The following LIN54 variants were observed in gnomAD, a reference collection of about 807,000 sequenced individuals.
LIN54 encodes the protein lin-54 DREAM MuvB core complex component.
LIN54 carries 9 observed loss-of-function variants against 78.7 expected under a neutral mutation model. The observed-to-expected ratio is 0.11, with a 90% CI of 0.07 to 0.20. LIN54 has a LOEUF of 0.20. Ranked by LOEUF, LIN54 falls within the 10% of genes least tolerant of loss-of-function variation. LIN54 has a pLI of 1.00. For missense variants in LIN54, 573 were observed against 889.9 expected, an observed-to-expected ratio of 0.64 and a Z score of 4.53; for synonymous variants, 269 against 318.4, an observed-to-expected ratio of 0.84 and a Z score of 1.65.
intron 4 of LIN54, among the ~76,000 whole-genome samples, chr4:82,957,592 T>TA (rs1417433920): frequency 2.6e-5 from 4 of 152,200 alleles, no homozygotes; most frequent in Non-Finnish European, 4.4e-5. Context: ...CATGTGTACT[T>TA]ACCTGTTTCA....
chr4:82,928,199 G>C lies in LIN54; in HGVS notation c.2153C>G (p.Ala718Gly). ...GAATTCCTCAAGTATCATCCGTTCC[G>C]CTGCTGCCTTTGATTTTCCCTTCTT... is the stretch of plus-strand genomic sequence containing the variant. ...ADKKGKSKAAAERMILEEFGR... is the reference protein window; with the variant it reads ...ADKKGKSKAAGERMILEEFGR... Residue 718 changes from alanine to glycine, a missense_variant, in exon 13 of 13, where the codon GCG becomes GGG. By Grantham distance (60) the Ala-to-Gly change is moderately conservative. This residue lies in a region of LIN54 where 82 missense variants were observed against 140.8 expected (regional missense o/e 0.58). Coordinates refer to ENST00000340417, the MANE Select transcript of LIN54 (RefSeq NM_194282.4). 7 of 1,614,202 alleles carry C rather than the reference G, an allele frequency of 4.3e-6. No homozygotes were observed. Among genetic ancestry groups the C allele is most frequent in the Non-Finnish European group, 5.9e-6 (7 of 1,180,012 alleles).
chr4:82,947,231 A>ATTTTTTTTTTTTTT (rs1390095473), intron 4 of LIN54, among the ~76,000 whole-genome samples: 2 of 13,950 alleles, frequency 1.4e-4, no homozygotes, highest in African/African-American at 4.0e-4. Context: ...ATATATATAT[A>ATTTTTTTTTTTTTT]TATATTTTTT....
intron 1 of LIN54, among the ~76,000 whole-genome samples, chr4:82,988,362 C>T (rs567292509): frequency 1.3e-5 from 2 of 151,940 alleles, no homozygotes; most frequent in Admixed American, 6.6e-5. Context: ...AGTTCTATTC[C>T]TTTTTACTGC....
At chr4:82,934,541 A>C (rs150514215) in intron 11 of LIN54, among the ~76,000 whole-genome samples, 1 of 152,180 alleles carries the variant, frequency 6.6e-6, no homozygotes, top group Non-Finnish European at 1.5e-5. Context: ...GGAGTATTTG[A>C]CTTTGTAAAT....
chr4:83,012,870 C>G (rs186598130), upstream of LIN54: 4 of 152,144 alleles, frequency 2.6e-5, no homozygotes, highest in African/African-American at 9.7e-5. Flanking sequence ...GCGGCGCCTC[C>G]GAGACACAGA....
chr4:82,929,290 T>C (rs1017679874), intron 12 of LIN54, among the ~76,000 whole-genome samples: 3 of 152,180 alleles, frequency 2.0e-5, no homozygotes, highest in African/African-American at 7.2e-5. Flanking sequence ...TATAATTTTA[T>C]AATTTTGTTT....
intron 1 of LIN54, among the ~76,000 whole-genome samples, chr4:83,006,937 T>G (rs1729445368): frequency 6.6e-6 from 1 of 152,086 alleles, no homozygotes. Context: ...GTCAGGAGTT[T>G]GAGACCAGCC....
intron 1 of LIN54, among the ~76,000 whole-genome samples, chr4:83,010,080 T>A (rs1390022838): frequency 1.3e-5 from 2 of 152,122 alleles, no homozygotes; most frequent in African/African-American, 4.8e-5. Context: ...AATGTGAACA[T>A]CCACAACCCA....
chr4:82,972,759 G>A (rs1400750806), intron 3 of LIN54, among the ~76,000 whole-genome samples: 1 of 152,094 alleles, frequency 6.6e-6, no homozygotes, highest in Non-Finnish European at 1.5e-5. Flanking sequence ...GAGGCAGGTG[G>A]ATCACGAGGT....
intron 11 of LIN54, among the ~76,000 whole-genome samples, chr4:82,933,587 A>G (rs896548632): frequency 6.6e-6 from 1 of 152,268 alleles, no homozygotes; most frequent in African/African-American, 2.4e-5. Context: ...ACAAAATGTC[A>G]GATAAGCCCA....
At position 82,948,857 on chromosome 4, in the gene LIN54, T is replaced by C. The variant is rs1417992378; in HGVS notation, c.952-2383A>G. Among the ~76,000 whole-genome samples, 4 of 152,244 alleles carry C rather than the reference T, an allele frequency of 2.6e-5. No individual in the cohort carries two copies. In the East Asian group the frequency reaches 7.7e-4, roughly 29 times the overall value. ...CATGTTGTGGCAAATGGCAGGATCT[T>C]ATTTTTCAAGGTTGAATAATATTTT... is the stretch of plus-strand genomic sequence containing the variant. On this transcript the variant is annotated intron_variant, in intron 4 of 12. Coordinates refer to ENST00000340417, the MANE Select transcript of LIN54 (RefSeq NM_194282.4).
intron 5 of LIN54, among the ~76,000 whole-genome samples, chr4:82,940,547 C>T (rs896766363): frequency 4.6e-5 from 7 of 152,156 alleles, no homozygotes; most frequent in Non-Finnish European, 8.8e-5. Context: ...TGTGTGCCAC[C>T]ATGCCCAGCT....
At chr4:82,986,902 T>C (rs1009385808) in intron 1 of LIN54, among the ~76,000 whole-genome samples, 3 of 152,156 alleles carry the variant, frequency 2.0e-5, no homozygotes, top group East Asian at 1.9e-4. Context: ...CCCTGTTTTA[T>C]AGATGAGGCC....
At chr4:83,011,789 A>G (rs1729868661), upstream of LIN54, among the ~76,000 whole-genome samples, 1 of 149,964 alleles carries the variant, frequency 6.7e-6, no homozygotes, top group African/African-American at 2.5e-5. Context: ...ATAAGCTGCA[A>G]GGCTTCTGAA....
In LIN54 at chr4:82,925,793, ATTC is replaced by A. The variant is rs998171327; in HGVS notation, c.*2306_*2308del. 6.6e-6 allele frequency: 1 copy of A among 152,640 alleles called. No homozygotes were observed. Among genetic ancestry groups the A allele is most frequent in the African/African-American group, 2.4e-5 (1 of 41,470 alleles). The allele number at this position is 152,640 out of a possible 1,614,324, so 9.5% of individuals were successfully genotyped here. A position where few individuals can be genotyped will look rare whatever the true frequency, so the allele number is the denominator to read the frequency against. On this transcript the variant is annotated 3_prime_UTR_variant, in exon 13 of 13. Coordinates refer to ENST00000340417, the MANE Select transcript of LIN54 (RefSeq NM_194282.4). ...CTGTTTTTACAATATAGAAAAGTGTATTCTTTGAATAGCTCTAGTAAATATAAA... is the reference window on the plus strand; with the variant it reads ...CTGTTTTTACAATATAGAAAAGTGTATTTGAATAGCTCTAGTAAATATAAA...
At position 82,978,658 on chromosome 4, in the gene LIN54, T is replaced by A. The variant is rs138321235; in HGVS notation, c.808+225A>T. Reference sequence around the variant, plus strand: ...CTACTATTACTGGAGTTTGAGACTTTGCTAGTATCATGGTAAATTTCTACC... The same window carrying A: ...CTACTATTACTGGAGTTTGAGACTTAGCTAGTATCATGGTAAATTTCTACC... On this transcript the variant is annotated intron_variant, in intron 3 of 12. Transcript: ENST00000340417. Among the ~76,000 whole-genome samples the A allele has an allele frequency of 2.6e-5, 4 of 152,346 alleles. No homozygotes were observed. In the East Asian group the frequency reaches 7.7e-4, roughly 29 times the overall value.
At chr4:82,998,039 C>T (rs1292116440) in intron 1 of LIN54, among the ~76,000 whole-genome samples, 5 of 31,234 alleles carry the variant, frequency 1.6e-4, no homozygotes, top group Non-Finnish European at 2.1e-4. Context: ...TATATATATA[C>T]ACACACGTAT....
Position 82,946,318 on chromosome 4 carries a change from T to C in LIN54, c.1108A>G (p.Ser370Gly), listed in dbSNP as rs143553034. The change falls in exon 5 of 13, where the codon AGT (serine) becomes GGT (glycine). Residue 370 changes from serine (S) to glycine (G), a missense_variant. Coordinates refer to ENST00000340417, the MANE Select transcript of LIN54 (RefSeq NM_194282.4). ...TGACTAACTGGCTGGGTTGAGCTAC[T>C]GGCTGATGTGGCAGTAACAAGTCGG... The part of the protein sequence containing the change: ...YVRLVTATSA[S>G]SSTQPVSQNP... The C allele has an allele frequency of 1.2e-6, 2 of 1,614,252 alleles. No homozygotes were observed. Among genetic ancestry groups the C allele is most frequent in the African/African-American group, 2.7e-5 (2 of 75,074 alleles).
Position 83,010,521 on chromosome 4 carries a change from A to T in LIN54, c.-70T>A. 8.9e-7 allele frequency: 1 copy of T among 1,126,024 alleles called. No homozygotes were observed. The highest frequency in any genetic ancestry group is 1.1e-6 in the Non-Finnish European group (1 of 921,470). 69.8% of individuals were successfully genotyped at this position (1,126,024 alleles called of 1,614,324 possible). A position where few individuals can be genotyped will look rare whatever the true frequency, so the allele number is the denominator to read the frequency against. ...CCGCTTTCTCCTCCCTCGGGCTCCGAGGTAGGGGCTCCAGAAGGTCCTGGG... is the reference window on the plus strand; with the variant it reads ...CCGCTTTCTCCTCCCTCGGGCTCCGTGGTAGGGGCTCCAGAAGGTCCTGGG... On this transcript the variant is annotated 5_prime_UTR_variant, in exon 1 of 13. Coordinates refer to ENST00000340417, the MANE Select transcript of LIN54 (RefSeq NM_194282.4).
Sources: allele counts gnomAD v4.1 joint callset (sites outside exome capture counted in the v4.1 genomes callset), GRCh38; gene constraint gnomAD v4.1.1; regional missense constraint gnomAD v4.1.1; transcripts MANE v1.5; gene names NCBI Gene and HGNC (gene_info 2026-07-23, HGNC 2026-07-21).